The following CLYBL variants were observed in gnomAD, a reference collection of about 807,000 sequenced individuals.
CLYBL encodes citramalyl-CoA lyase, also known as citramalyl-CoA lyase, mitochondrial.
Under a neutral mutation model 38.9 loss-of-function variants are expected in CLYBL, and 31 were observed. That is an observed-to-expected ratio of 0.80 (90% CI 0.60 to 1.08). The LOEUF (loss-of-function observed/expected upper bound fraction) is 1.08, where lower values mean the gene tolerates loss of function less well. Among genes scored for constraint, CLYBL ranks in the 50% least tolerant of loss-of-function variants. The probability of loss-of-function intolerance (pLI) is 0.00; values close to 1 mark genes in which losing one functional copy is unlikely to be tolerated. For missense variants in CLYBL, 434 were observed against 411.6 expected (o/e 1.05, Z -0.47); for synonymous variants, 171 against 158.6 (o/e 1.08, Z -0.59).
chr13:99,731,631 A>C (rs942038568), intron 1 of CLYBL, among the ~76,000 whole-genome samples: 2 of 152,190 alleles, frequency 1.3e-5, no homozygotes, highest in African/African-American at 4.8e-5. Context: ...GCCATACATT[A>C]GTTTCAAAGT....
At chr13:99,746,353 C>G (rs991520777) in intron 1 of CLYBL, among the ~76,000 whole-genome samples, 10 of 91,774 alleles carry the variant, frequency 1.1e-4, no homozygotes, top group South Asian at 3.5e-4. Flanking sequence ...GCTTTAAATA[C>G]TATTTTTTTT....
intron 2 of CLYBL, among the ~76,000 whole-genome samples, chr13:99,775,430 C>T (rs1341640380): frequency 6.6e-6 from 1 of 152,198 alleles, no homozygotes; most frequent in African/African-American, 2.4e-5. Context: ...TTTACTAGGA[C>T]ATTTTCATTC....
intron 2 of CLYBL, among the ~76,000 whole-genome samples, chr13:99,797,175 G>A (rs2138920241): frequency 6.6e-6 from 1 of 152,222 alleles, no homozygotes; most frequent in Non-Finnish European, 1.5e-5. Context: ...GTGCATCTTA[G>A]TCTCATATAG....
chr13:99,736,640 T>A (rs1288718772), intron 1 of CLYBL, among the ~76,000 whole-genome samples: 1 of 152,190 alleles, frequency 6.6e-6, no homozygotes, highest in African/African-American at 2.4e-5. Context: ...TCTATGGTCC[T>A]GCCTGTTTTC....
chr13:99,877,115 G>A (rs1334351203), intron 7 of CLYBL, among the ~76,000 whole-genome samples: 1 of 152,158 alleles, frequency 6.6e-6, no homozygotes, highest in African/African-American at 2.4e-5. Context: ...CCCAGAGCAA[G>A]CCTGGGGAGC....
intron 1 of CLYBL, among the ~76,000 whole-genome samples, chr13:99,633,960 A>T (rs1460627782): frequency 6.6e-6 from 1 of 152,178 alleles, no homozygotes; most frequent in Non-Finnish European, 1.5e-5. Flanking sequence ...TAGGGCAGAA[A>T]AAATATTTGA....
chr13:99,748,440 T>G (rs920593070), intron 1 of CLYBL, among the ~76,000 whole-genome samples: 5 of 131,532 alleles, frequency 3.8e-5, no homozygotes, highest in African/African-American at 5.9e-5. Context: ...TTTTTTTTTT[T>G]TTTTTTTTTT....
chr13:99,764,116 C>T (rs1008898333), intron 1 of CLYBL, among the ~76,000 whole-genome samples: 38 of 138,604 alleles, frequency 2.7e-4, no homozygotes, highest in Non-Finnish European at 4.8e-4. Context: ...AGTCACAGCT[C>T]GGTGCAGTCA....
chr13:99,622,071 G>A (rs2046805817), intron 1 of CLYBL, among the ~76,000 whole-genome samples: 1 of 152,174 alleles, frequency 6.6e-6, no homozygotes, highest in Non-Finnish European at 1.5e-5. Flanking sequence ...CATCTTCAAA[G>A]CCAGACCCAG....
Position 99,891,360 on chromosome 13 carries a change from C to CTG in CLYBL, c.971_972dup (p.Lys325Ter). ...AGGGAGTATGATCGACATGCCATTA[C>CTG]TGAAGCAGGCCCAGAACACTGTTAC... On this transcript the variant is annotated frameshift_variant, in exon 8 of 9. Coordinates refer to ENST00000339105, the MANE Select transcript of CLYBL (RefSeq NM_206808.5). LOFTEE classifies it high-confidence loss of function. 3 of 1,613,978 alleles carry CTG rather than the reference C, an allele frequency of 1.9e-6. No homozygotes were observed. Among genetic ancestry groups the CTG allele is most frequent in the Non-Finnish European group, 2.5e-6 (3 of 1,179,874 alleles).
intron 1 of CLYBL, among the ~76,000 whole-genome samples, chr13:99,627,831 C>T (rs1469009968): frequency 2.0e-5 from 3 of 152,230 alleles, no homozygotes; most frequent in Admixed American, 6.5e-5. Flanking sequence ...CCTGCATTCA[C>T]GTATTTAGCC....
intron 1 of CLYBL, among the ~76,000 whole-genome samples, chr13:99,681,946 C>T (rs956611737): frequency 3.9e-5 from 6 of 152,036 alleles, no homozygotes; most frequent in Non-Finnish European, 7.4e-5. Flanking sequence ...AATGAGAATA[C>T]GTCTTGAGAA....
At chr13:99,836,409 G>A (rs544316348) in intron 2 of CLYBL, among the ~76,000 whole-genome samples, 1 of 152,308 alleles carries the variant, frequency 6.6e-6, no homozygotes, top group South Asian at 2.1e-4. Flanking sequence ...GGCTGCTTAT[G>A]TGAGGGAATT....
intron 7 of CLYBL, among the ~76,000 whole-genome samples, chr13:99,879,157 A>G (rs995913377): frequency 2.0e-5 from 3 of 151,556 alleles, no homozygotes; most frequent in Admixed American, 2.0e-4. Context: ...TCCCCATTGC[A>G]CCCCCGACTT....
intron 1 of CLYBL, among the ~76,000 whole-genome samples, chr13:99,608,871 T>TTG (rs2046577575): frequency 8.4e-6 from 1 of 118,726 alleles, no homozygotes; most frequent in African/African-American, 3.0e-5. Context: ...TTTTTTTTTT[T>TTG]TTTTTGCTTG....
chr13:99,670,017 A>AC (rs2047541383), intron 1 of CLYBL, among the ~76,000 whole-genome samples: 1 of 136,704 alleles, frequency 7.3e-6, no homozygotes, highest in African/African-American at 2.7e-5. Flanking sequence ...ACATAGTGAA[A>AC]CCCCGTCTCT....
At chr13:99,828,982 C>T (rs1473216440) in intron 2 of CLYBL, among the ~76,000 whole-genome samples, 7 of 152,172 alleles carry the variant, frequency 4.6e-5, no homozygotes, top group East Asian at 3.8e-4. Context: ...TATGAACCCA[C>T]GGGATGTACT....
chr13:99,648,980 G>T (rs2047214548), intron 1 of CLYBL, among the ~76,000 whole-genome samples: 1 of 151,130 alleles, frequency 6.6e-6, no homozygotes. Context: ...AATAATTACA[G>T]GAGATGTAAA....
At chr13:99,754,439 A>G (rs1263395423) in intron 1 of CLYBL, among the ~76,000 whole-genome samples, 49 of 149,268 alleles carry the variant, frequency 3.3e-4, no homozygotes, top group African/African-American at 1.1e-3. Context: ...AAAAAAAAAA[A>G]GAGGAGAGAT....
Sources: allele counts gnomAD v4.1 joint callset (sites outside exome capture counted in the v4.1 genomes callset), GRCh38; gene constraint gnomAD v4.1.1; transcripts MANE v1.5; gene names NCBI Gene and HGNC (gene_info 2026-07-23, HGNC 2026-07-21).